Variants in SCFD2 observed in about 807,000 individuals in gnomAD.
SCFD2 encodes the protein sec1 family domain containing 2, also known as sec1 family domain-containing protein 2.
Under a neutral mutation model 58.9 loss-of-function variants are expected in SCFD2, and 54 were observed. That is an observed-to-expected ratio of 0.92 (90% confidence interval 0.74 to 1.15). The LOEUF is 1.15. SCFD2 is among the 50% of genes most tolerant of loss of function. The probability of loss-of-function intolerance (pLI) is 0.00; values close to 1 mark genes in which losing one functional copy is unlikely to be tolerated. For missense variants in SCFD2, 805 were observed against 836.6 expected (o/e 0.96, Z 0.47); for synonymous variants, 321 against 335.9 (o/e 0.96, Z 0.49).
At chr4:52,995,185 A>G (rs2170689) in intron 5 of SCFD2, among the ~76,000 whole-genome samples, 125,591 of 152,144 alleles carry the variant, frequency 0.83, 52,474 homozygotes, top group Middle Eastern at 0.95. Context: ...TTTTACTGCA[A>G]CTAGATGGTC....
intron 5 of SCFD2, among the ~76,000 whole-genome samples, chr4:53,042,011 A>G (rs1722912234): frequency 1.3e-5 from 2 of 152,174 alleles, no homozygotes; most frequent in East Asian, 3.9e-4. Context: ...CATATCTCAA[A>G]TATACCTAAG....
At chr4:53,037,083 A>AT (rs1722783050) in intron 5 of SCFD2, among the ~76,000 whole-genome samples, 1 of 152,172 alleles carries the variant, frequency 6.6e-6, no homozygotes, top group Non-Finnish European at 1.5e-5. Context: ...TAAAAAGTGA[A>AT]TATCCCTGTA....
chr4:52,918,410 G>A (rs1369508315), intron 6 of SCFD2, among the ~76,000 whole-genome samples: 1 of 152,028 alleles, frequency 6.6e-6, no homozygotes, highest in Non-Finnish European at 1.5e-5. Context: ...CTAGGTACTG[G>A]GGATACGGCA....
At chr4:52,902,234 T>G (rs969230051) in intron 7 of SCFD2, among the ~76,000 whole-genome samples, 1 of 152,232 alleles carries the variant, frequency 6.6e-6, no homozygotes, top group African/African-American at 2.4e-5. Flanking sequence ...AGAATTTCAC[T>G]GGCTCCCTAC....
intron 1 of SCFD2, among the ~76,000 whole-genome samples, chr4:53,357,910 A>T (rs1442607104): frequency 6.6e-6 from 1 of 152,224 alleles, no homozygotes; most frequent in Non-Finnish European, 1.5e-5. Context: ...CAAACTGCCA[A>T]GGTTCAAATC....
In SCFD2 at chr4:53,181,991, G is replaced by T. The variant is rs190506119; in HGVS notation, c.1312-36409C>A. On this transcript the variant is annotated intron_variant, in intron 4 of 8. Coordinates refer to ENST00000401642, the MANE Select transcript of SCFD2 (RefSeq NM_152540.4). ...AGGAGAACTACAAACCACTGCTCAA[G>T]GAAATAAAAGAGGATACAAACAAAT... 1.9e-3 allele frequency among the ~76,000 whole-genome samples: 291 copies of T among 152,146 alleles called. 1 individual carries two copies. Among genetic ancestry groups the T allele is most frequent in the African/African-American group, 5.1e-3 (213 of 41,496 alleles).
At chr4:52,967,343 C>T (rs1445536835) in intron 5 of SCFD2, among the ~76,000 whole-genome samples, 1 of 152,072 alleles carries the variant, frequency 6.6e-6, no homozygotes, top group African/African-American at 2.4e-5. Flanking sequence ...CCTCTGGGAC[C>T]CGAGAACCCC....
intron 3 of SCFD2, among the ~76,000 whole-genome samples, chr4:53,286,839 G>T (rs566113609): frequency 6.6e-6 from 1 of 152,010 alleles, no homozygotes; most frequent in Admixed American, 6.5e-5. Flanking sequence ...CCCCATTCCT[G>T]GGCCCTTGGT....
At chr4:53,345,877 C>A (rs1236833704) in intron 2 of SCFD2, among the ~76,000 whole-genome samples, 1 of 151,970 alleles carries the variant, frequency 6.6e-6, no homozygotes, top group African/African-American at 2.4e-5. Context: ...TGTTTTCACT[C>A]ATAGGTGTGA....
chr4:52,944,320 G>A (rs1436635730), intron 5 of SCFD2, among the ~76,000 whole-genome samples: 1 of 152,154 alleles, frequency 6.6e-6, no homozygotes, highest in African/African-American at 2.4e-5. Context: ...GTCTCTGGTT[G>A]TGGGAGAAGA....
chr4:53,009,905 T>C (rs1314831653), intron 5 of SCFD2, among the ~76,000 whole-genome samples: 3 of 152,176 alleles, frequency 2.0e-5, no homozygotes, highest in African/African-American at 4.8e-5. Context: ...TGGTTTCCTG[T>C]AGCTTTCCCA....
intron 3 of SCFD2, among the ~76,000 whole-genome samples, chr4:53,302,432 T>C (rs947653893): frequency 1.3e-5 from 2 of 150,798 alleles, no homozygotes; most frequent in African/African-American, 4.9e-5. Flanking sequence ...TACAAACCAC[T>C]GCTCAGTGAA....
Position 53,239,074 on chromosome 4 carries a change from G to A in SCFD2, c.1311+34752C>T, listed in dbSNP as rs531119862. Among the ~76,000 whole-genome samples the A allele has an allele frequency of 8.5e-3, 1,279 of 151,342 alleles. 21 individuals carry two copies. The highest frequency in any genetic ancestry group is 0.029 in the African/African-American group (1,209 of 41,234). ...ACTGCACTCCAGCCTGGGCACCATT[G>A]AGCACTGAGTGAACGAGACTCCATC... On this transcript the variant is annotated intron_variant, in intron 4 of 8. Transcript: ENST00000401642.
intron 8 of SCFD2, among the ~76,000 whole-genome samples, chr4:52,881,971 C>G (rs2109442943): frequency 6.6e-6 from 1 of 152,198 alleles, no homozygotes; most frequent in African/African-American, 2.4e-5. Flanking sequence ...AAAGAAGCCC[C>G]AGACGTAGGC....
chr4:52,895,039 T>C (rs902846763), intron 7 of SCFD2, among the ~76,000 whole-genome samples: 2 of 152,338 alleles, frequency 1.3e-5, no homozygotes, highest in Middle Eastern at 3.4e-3. Flanking sequence ...ATCCTCTAGA[T>C]TGGAGGGAAA....
intron 5 of SCFD2, among the ~76,000 whole-genome samples, chr4:53,018,416 G>A (rs1011788157): frequency 2.6e-5 from 4 of 152,076 alleles, no homozygotes; most frequent in African/African-American, 7.2e-5. Context: ...CATGATATCC[G>A]AAATAAGGCA....
chr4:53,239,847 C>T (rs115633129), intron 4 of SCFD2, among the ~76,000 whole-genome samples: 404 of 152,244 alleles, frequency 2.7e-3, no homozygotes, highest in African/African-American at 9.3e-3. Flanking sequence ...AAGACATTCT[C>T]GAGCTATCAG....
At chr4:53,237,977 G>C (rs1372461729) in intron 4 of SCFD2, among the ~76,000 whole-genome samples, 2 of 98,640 alleles carry the variant, frequency 2.0e-5, no homozygotes, top group African/African-American at 3.5e-5. Context: ...CCTCCCTCCC[G>C]GACGGGGCGG....
intron 5 of SCFD2, among the ~76,000 whole-genome samples, chr4:53,093,016 G>C (rs1724517844): frequency 6.6e-6 from 1 of 152,120 alleles, no homozygotes; most frequent in Non-Finnish European, 1.5e-5. Context: ...TAGTGTCCAT[G>C]GCTGGAGTGT....
Sources: allele counts gnomAD v4.1 joint callset (sites outside exome capture counted in the v4.1 genomes callset), GRCh38; gene constraint gnomAD v4.1.1; transcripts MANE v1.5; gene names NCBI Gene and HGNC (gene_info 2026-07-23, HGNC 2026-07-21).